Variants in XPO1 observed in about 807,000 individuals in gnomAD.
XPO1 encodes exportin 1, also known as exportin-1.
In XPO1, 5 loss-of-function variants were observed where a neutral mutation model predicts 133.3. That is an observed-to-expected ratio of 0.04 (90% CI 0.02 to 0.08). The LOEUF is 0.08. Among genes scored for constraint, XPO1 ranks in the 10% least tolerant of loss-of-function variants. XPO1 has a pLI of 1.00. For missense variants in XPO1, 506 were observed against 1,267.5 expected (o/e 0.40, Z 9.12); for synonymous variants, 419 against 408.2 (o/e 1.03, Z -0.32).
chr2:61,488,322 T>C (rs1439135488), intron 18 of XPO1, 51 bp from the exon 19 acceptor site: 1 of 1,541,440 alleles, frequency 6.5e-7, no homozygotes, highest in Non-Finnish European at 9.0e-7. Context: ...ACTTATACAG[T>C]GGTACTCAGG....
At chr2:61,493,785 G>T in intron 12 of XPO1, 109 bp downstream of exon 12, 1 of 1,185,432 alleles carries the variant, frequency 8.4e-7, no homozygotes, top group Non-Finnish European at 1.2e-6. Flanking sequence ...AGAAGTTGTT[G>T]GGTTCTCTTT....
At chr2:61,495,431 G>A in intron 11 of XPO1, 24 bp downstream of exon 11, 1 of 1,492,608 alleles carries the variant, frequency 6.7e-7, no homozygotes. Flanking sequence ...AGAATTTTAG[G>A]AGCAAAAGCT....
intron 23 of XPO1, 77 bp downstream of exon 23, chr2:61,482,303 C>A: frequency 7.3e-7 from 1 of 1,377,616 alleles, no homozygotes. Context: ...CTTAGGCTTC[C>A]CAAAGTGCTG....
intron 4 of XPO1, among the ~76,000 whole-genome samples, chr2:61,514,282 A>G (rs567464565): frequency 6.6e-6 from 1 of 152,048 alleles, no homozygotes; most frequent in South Asian, 2.1e-4. Context: ...GATGGAACAC[A>G]GAACAACACT....
chr2:61,511,308 G>C (rs1698086607), intron 4 of XPO1, among the ~76,000 whole-genome samples: 4 of 152,164 alleles, frequency 2.6e-5, no homozygotes, highest in Admixed American at 2.6e-4. Flanking sequence ...GTTATTTTTA[G>C]TAGAGATGGG....
Position 61,499,934 on chromosome 2 carries a change from C to A in XPO1, c.409-40G>T, listed in dbSNP as rs777735846. On this transcript the variant is annotated intron_variant, in intron 6 of 24. Coordinates refer to ENST00000401558, the MANE Select transcript of XPO1 (RefSeq NM_003400.4). ...GAAATGTTAATCGCACTTCATTTCT[C>A]AAAGGCAAATAAAACAAACTTCAAA... The A allele has an allele frequency of 2.5e-6, 4 of 1,574,356 alleles. No homozygotes were observed. The South Asian group carries it at 4.7e-5, about 19-fold the overall frequency.
At chr2:61,507,075 C>CA (rs1697859149) in intron 4 of XPO1, among the ~76,000 whole-genome samples, 1 of 151,144 alleles carries the variant, frequency 6.6e-6, no homozygotes, top group Non-Finnish European at 1.5e-5. Context: ...ACTAAAAATG[C>CA]AAAAAATAAA....
At chr2:61,512,269 G>GA (rs1333267849) in intron 4 of XPO1, among the ~76,000 whole-genome samples, 4 of 152,134 alleles carry the variant, frequency 2.6e-5, no homozygotes. Flanking sequence ...AATCATAAAT[G>GA]AAACAATCAC....
chr2:61,537,275 C>G (rs949346308), intron 1 of XPO1, among the ~76,000 whole-genome samples: 7 of 151,726 alleles, frequency 4.6e-5, no homozygotes, highest in Non-Finnish European at 7.4e-5. Flanking sequence ...GCGCGGGGCC[C>G]CGCTTCACTA....
At chr2:61,491,849 G>A (rs749175403) in intron 16 of XPO1, among the ~76,000 whole-genome samples, 186 bp downstream of exon 16, 32 of 152,182 alleles carry the variant, frequency 2.1e-4, no homozygotes, top group Non-Finnish European at 4.0e-4. Context: ...GCAGTGAGCC[G>A]TAATTGTGCC....
chr2:61,514,590 C>CT (rs1423471047), intron 4 of XPO1, among the ~76,000 whole-genome samples: 3 of 116,898 alleles, frequency 2.6e-5, no homozygotes, highest in South Asian at 2.8e-4. Context: ...AAGACTCTGT[C>CT]TTTAAAAAAA....
intron 21 of XPO1, 157 bp downstream of exon 21, chr2:61,483,780 A>G (rs1696532774): frequency 1.3e-6 from 1 of 768,666 alleles, no homozygotes; most frequent in Non-Finnish European, 2.0e-6. Context: ...GTGGAGTGGA[A>G]CAGTTGATTA....
rs1205056320 is a variant in XPO1 at position 61,537,980 on chromosome 2, G to A, written c.-425C>T. Reference sequence around the variant, plus strand: ...CGGCCGGGGAGACGCTCTGCTGCCAGTTGCAGTCCGACTCCCCCCTACCAA... The same window carrying A: ...CGGCCGGGGAGACGCTCTGCTGCCAATTGCAGTCCGACTCCCCCCTACCAA... On this transcript the variant is annotated 5_prime_UTR_variant, in exon 1 of 25. Coordinates refer to ENST00000401558, the MANE Select transcript of XPO1 (RefSeq NM_003400.4). The A allele has an allele frequency of 6.4e-6, 1 of 157,392 alleles. No homozygotes were observed. Among genetic ancestry groups the A allele is most frequent in the Non-Finnish European group, 1.4e-5 (1 of 72,814 alleles). 9.7% of individuals were successfully genotyped at this position (157,392 alleles called of 1,614,324 possible). A position where few individuals can be genotyped will look rare whatever the true frequency, so the allele number is the denominator to read the frequency against.
intron 4 of XPO1, among the ~76,000 whole-genome samples, chr2:61,519,397 ATTAAT>A: frequency 6.6e-6 from 1 of 152,258 alleles, no homozygotes. Context: ...TGAAAATGTC[ATTAAT>A]TTAAAAGAAC....
intron 2 of XPO1, among the ~76,000 whole-genome samples, chr2:61,530,581 A>C (rs1397218830): frequency 6.6e-6 from 1 of 152,126 alleles, no homozygotes; most frequent in Non-Finnish European, 1.5e-5. Flanking sequence ...AAATAGAAAA[A>C]TGCTGATAAC....
In XPO1 at chr2:61,491,459, AACACACACACACACACACACACAC is replaced by A. The variant is rs61072503; in HGVS notation, c.1887+552_1887+575del. Among the ~76,000 whole-genome samples the A allele has an allele frequency of 2.8e-5, 4 of 143,010 alleles. No individual in the cohort carries two copies. The East Asian group carries it at 6.2e-4, about 22-fold the overall frequency. The allele number at this position is 143,010 out of a possible 152,430, so 93.8% of individuals were successfully genotyped here. ...GAGTGAAACTCCATCTCAAAAAACA[AACACACACACACACACACACACAC>A]ACACACACACACACCCCAAAACAAA... On this transcript the variant is annotated intron_variant, in intron 16 of 24. Transcript: ENST00000401558.
At position 61,537,955 on chromosome 2, in the gene XPO1, C is replaced by T; in HGVS notation, c.-400G>A. On this transcript the variant is annotated 5_prime_UTR_variant, in exon 1 of 25. It adds an upstream start codon to the 5' untranslated region. Coordinates refer to ENST00000401558, the MANE Select transcript of XPO1 (RefSeq NM_003400.4). The stretch of plus-strand genomic sequence containing the variant: ...AGGAGTAGGGGGTGTAGAGTCCACA[C>T]GGCCGGGGAGACGCTCTGCTGCCAG... 6.2e-6 allele frequency: 1 copy of T among 161,766 alleles called. No homozygotes were observed. The highest frequency in any genetic ancestry group is 1.8e-4 in the East Asian group (1 of 5,582). The allele number at this position is 161,766 out of a possible 1,614,324, so 10.0% of individuals were successfully genotyped here. A position where few individuals can be genotyped will look rare whatever the true frequency, so the allele number is the denominator to read the frequency against.
Position 61,492,254 on chromosome 2 carries a change from A to G in XPO1, c.1724-56T>C. 1 of 1,591,990 alleles carries G rather than the reference A, an allele frequency of 6.3e-7. No individual in the cohort carries two copies. The highest frequency in any genetic ancestry group is 8.5e-7 in the Non-Finnish European group (1 of 1,173,252). ...TCCTGGACTCCATCATGGGTCTCTA[A>G]CAAGACAAAAACATTCATTTATTTT... On this transcript the variant is annotated intron_variant, in intron 15 of 24. Transcript: ENST00000401558. This position sits in a 1 kb window ranked among gnomAD's most constrained non-coding sequence, Gnocchi z 5.6.
intron 20 of XPO1, 161 bp downstream of exon 20, chr2:61,485,607 T>G: frequency 1.5e-6 from 1 of 685,198 alleles, no homozygotes; most frequent in Non-Finnish European, 2.3e-6. Context: ...TCCTGGGAAG[T>G]AAGTTCTTGA....
Sources: allele counts gnomAD v4.1 joint callset (sites outside exome capture counted in the v4.1 genomes callset), GRCh38; gene constraint gnomAD v4.1.1; non-coding constraint Gnocchi (gnomAD v3.1); transcripts MANE v1.5; gene names NCBI Gene and HGNC (gene_info 2026-07-23, HGNC 2026-07-21).